The following DHRSX variants were observed in gnomAD, a reference collection of about 807,000 sequenced individuals.
DHRSX encodes polyprenol dehydrogenase.
Under a neutral mutation model 34.0 loss-of-function variants are expected in DHRSX, and 31 were observed. The ratio of observed to expected loss-of-function variants is 0.91; its 90% CI spans 0.69 to 1.23. DHRSX has a LOEUF of 1.23. Ranked by LOEUF, DHRSX falls within the 50% of genes most tolerant of loss-of-function variation. DHRSX has a pLI of 0.00. For synonymous variants in DHRSX, 201 were observed against 183.8 expected (o/e 1.09, Z -0.76); for missense variants, 414 against 428.1 (o/e 0.97, Z 0.29).
intron 3 of DHRSX, among the ~76,000 whole-genome samples, chrX:2,367,464 A>AG (rs1569494265): frequency 6.6e-6 from 1 of 152,028 alleles, no homozygotes; most frequent in Non-Finnish European, 1.5e-5. Flanking sequence ...GAAAAAAAAA[A>AG]AAGAACGATG....
chrX:2,349,154 A>T (rs1449153468), intron 3 of DHRSX, among the ~76,000 whole-genome samples: 1 of 152,134 alleles, frequency 6.6e-6, no homozygotes, highest in Non-Finnish European at 1.5e-5. Flanking sequence ...GCTTCTAGGT[A>T]TTTATCCAAA....
chrX:2,388,463 C>A (rs1424781226), intron 3 of DHRSX, among the ~76,000 whole-genome samples: 3 of 152,084 alleles, frequency 2.0e-5, no homozygotes, highest in South Asian at 2.1e-4. Flanking sequence ...AGAGGGACAA[C>A]CCTGTGAGGA....
At chrX:2,223,486 C>T (rs892405457) in intron 6 of DHRSX, among the ~76,000 whole-genome samples, 13 of 152,086 alleles carry the variant, frequency 8.5e-5, no homozygotes, top group Admixed American at 3.3e-4. Flanking sequence ...GAAAACATCT[C>T]GGGGGCGGAT....
chrX:2,486,163 C>T (rs2044923031), intron 1 of DHRSX, among the ~76,000 whole-genome samples: 2 of 152,032 alleles, frequency 1.3e-5, no homozygotes, highest in Admixed American at 6.6e-5. Context: ...ATCTCTGCTC[C>T]CGGGGAACAC....
chrX:2,434,993 G>C (rs142687979), intron 1 of DHRSX, among the ~76,000 whole-genome samples: 8,121 of 152,198 alleles, frequency 0.053, 346 homozygotes, highest in East Asian at 0.21. Flanking sequence ...CCATTTATAT[G>C]ACATTCTTGA....
intron 3 of DHRSX, among the ~76,000 whole-genome samples, chrX:2,295,540 G>T (rs2041921916): frequency 6.6e-6 from 1 of 152,064 alleles, no homozygotes; most frequent in South Asian, 2.1e-4. Flanking sequence ...AAACTTGCAC[G>T]TTCTGTACAT....
rs149749608 is a variant in DHRSX, at chrX:2,454,496, C to T, written c.110-29192G>A. Among the ~76,000 whole-genome samples the T allele has an allele frequency of 3.5e-3, 524 of 149,236 alleles. 4 individuals are homozygous for T. Among genetic ancestry groups the T allele is most frequent in the African/African-American group, 0.011 (456 of 40,116 alleles). ...GAGCCGAGATTGAGCTATTGCACTCCGGCCTGGGCAACAAGAGAGAAACTC... is the reference window on the plus strand; with the variant it reads ...GAGCCGAGATTGAGCTATTGCACTCTGGCCTGGGCAACAAGAGAGAAACTC... On this transcript the variant is annotated intron_variant, in intron 1 of 6. Transcript: ENST00000334651.
rs994675778 is a variant in DHRSX at position 2,324,761 on chromosome X, TTTC to T, written c.287-33161_287-33159del. Among the ~76,000 whole-genome samples, 282 of 148,178 alleles carry T rather than the reference TTTC, an allele frequency of 1.9e-3. 1 individual carries two copies. The Middle Eastern group carries it at 0.055, about 29-fold the overall frequency. ...GTATGGGAGTCCTCGGCAAGGCTTT[TTTC>T]TTTTCTTTTTTTTTTTTTTTTTGAG... On this transcript the variant is annotated intron_variant, in intron 3 of 6. Transcript: ENST00000334651.
At chrX:2,500,785 C>G (rs1603193573) in intron 1 of DHRSX, 32 bp downstream of exon 1, 1 of 1,067,752 alleles carries the variant, frequency 9.4e-7, no homozygotes. Flanking sequence ...CCCGGGTCCC[C>G]GGAGCCCTGA....
At chrX:2,396,914 T>C (rs1290815681) in intron 3 of DHRSX, among the ~76,000 whole-genome samples, 4 of 151,928 alleles carry the variant, frequency 2.6e-5, no homozygotes, top group Non-Finnish European at 5.9e-5. Context: ...GCTCTTAATA[T>C]TTTAAAGGAT....
chrX:2,332,862 G>A (rs1448104825), intron 3 of DHRSX, among the ~76,000 whole-genome samples: 2 of 152,126 alleles, frequency 1.3e-5, no homozygotes, highest in African/African-American at 4.8e-5. Context: ...CCTGGTCATC[G>A]TTGTCTAACG....
intron 1 of DHRSX, among the ~76,000 whole-genome samples, chrX:2,449,698 G>A (rs1364267285): frequency 3.9e-5 from 6 of 151,980 alleles, no homozygotes; most frequent in Admixed American, 2.0e-4. Flanking sequence ...AGCACCTCTC[G>A]CTTGGTTGCC....
chrX:2,426,436 T>A (rs2043847716), intron 1 of DHRSX, among the ~76,000 whole-genome samples: 1 of 148,724 alleles, frequency 6.7e-6, no homozygotes. Context: ...CCTTCCTTCA[T>A]TCTTTCCTTC....
chrX:2,319,156 A>G (rs751753228), intron 3 of DHRSX, among the ~76,000 whole-genome samples: 2 of 152,120 alleles, frequency 1.3e-5, no homozygotes, highest in Admixed American at 1.3e-4. Context: ...TGAACTGAGC[A>G]GATTCACCCA....
intron 5 of DHRSX, among the ~76,000 whole-genome samples, chrX:2,249,962 G>C (rs1308607696): frequency 6.6e-6 from 1 of 151,808 alleles, no homozygotes; most frequent in African/African-American, 2.4e-5. Flanking sequence ...AGGAGATCGA[G>C]ACCATCCTGG....
intron 1 of DHRSX, chrX:2,490,155 C>T: frequency 6.2e-7 from 1 of 1,613,960 alleles, no homozygotes. Flanking sequence ...GTGGCCTCGG[C>T]CAGCTCCTTC....
chrX:2,273,207 C>A (rs35621314), intron 4 of DHRSX, among the ~76,000 whole-genome samples: 95,223 of 151,908 alleles, frequency 0.63, 30,964 homozygotes, highest in Non-Finnish European at 0.74. Flanking sequence ...ATAAATAAAT[C>A]AATAAAATAA....
intron 3 of DHRSX, among the ~76,000 whole-genome samples, chrX:2,366,651 G>A (rs1162108717): frequency 6.6e-6 from 1 of 152,068 alleles, no homozygotes; most frequent in Non-Finnish European, 1.5e-5. Flanking sequence ...AGGCTGAAGA[G>A]CAGTGGAGCA....
intron 3 of DHRSX, among the ~76,000 whole-genome samples, chrX:2,314,723 A>C (rs2042221629): frequency 1.3e-5 from 2 of 152,090 alleles, no homozygotes; most frequent in South Asian, 4.1e-4. Flanking sequence ...TGGTTTGTAA[A>C]GAATGACTCC....
Sources: allele counts gnomAD v4.1 joint callset (sites outside exome capture counted in the v4.1 genomes callset), GRCh38; gene constraint gnomAD v4.1.1; transcripts MANE v1.5; gene names NCBI Gene and HGNC (gene_info 2026-07-23, HGNC 2026-07-21).